Variants in OSGEP observed in about 807,000 individuals in gnomAD.
OSGEP encodes the protein O-sialoglycoprotein endopeptidase, also known as tRNA N6-adenosine threonylcarbamoyltransferase.
A neutral mutation model predicts 44.1 loss-of-function variants in OSGEP; 39 were observed. The observed-to-expected ratio is 0.88, with a 90% confidence interval of 0.69 to 1.16. OSGEP has a LOEUF of 1.16. Ranked by LOEUF, OSGEP falls within the 50% of genes most tolerant of loss-of-function variation. OSGEP has a pLI of 0.00. For missense variants in OSGEP, 403 were observed against 443.1 expected (o/e 0.91, Z 0.81); for synonymous variants, 139 against 161.9 (o/e 0.86, Z 1.07).
intron 2 of OSGEP, 40 bp from the exon 3 acceptor site, chr14:20,452,189 G>GA (rs760892017): frequency 4.6e-6 from 7 of 1,537,468 alleles, no homozygotes; most frequent in Non-Finnish European, 6.1e-6. Flanking sequence ...CTAGAGATTG[G>GA]AAAAAAACAA....
chr14:20,448,097 C>T lies in OSGEP; in HGVS notation c.702+9G>A. The T allele has an allele frequency of 1.2e-6, 2 of 1,611,212 alleles. No individual in the cohort carries two copies. Among genetic ancestry groups the T allele is most frequent in the Non-Finnish European group, 1.7e-6 (2 of 1,177,286 alleles). On this transcript the variant is annotated intron_variant, in intron 7 of 10. Transcript: ENST00000206542. ...CCCAACTTTCTGTCCCAGTTTTTTA[C>T]TGCATTACCTGCAGGGAGAAACACA...
Position 20,448,083 on chromosome 14 carries a change from G to A in OSGEP, c.702+23C>T, listed in dbSNP as rs150817988. ...ATAAAACCTTCAGCCCCAACTTTCTGTCCCAGTTTTTTACTGCATTACCTG... is the reference window on the plus strand; with the variant it reads ...ATAAAACCTTCAGCCCCAACTTTCTATCCCAGTTTTTTACTGCATTACCTG... On this transcript the variant is annotated intron_variant, in intron 7 of 10. Transcript: ENST00000206542. 84 of 1,606,332 alleles carry A rather than the reference G, an allele frequency of 5.2e-5. No individual in the cohort carries two copies. In the African/African-American group the frequency reaches 9.3e-4, roughly 18 times the overall value.
At chr14:20,454,292 TA>T (rs1881196306) in intron 1 of OSGEP, among the ~76,000 whole-genome samples, 1 of 152,234 alleles carries the variant, frequency 6.6e-6, no homozygotes, top group South Asian at 2.1e-4. Context: ...TGCTGTAGTA[TA>T]AACATCTATT....
intron 1 of OSGEP, among the ~76,000 whole-genome samples, chr14:20,453,292 T>C (rs578111124): frequency 6.6e-6 from 1 of 152,304 alleles, no homozygotes; most frequent in East Asian, 1.9e-4. Context: ...CTCCTATGTA[T>C]GCAAGTGTTT....
rs753069471 is a variant in OSGEP, at chr14:20,447,988, C to G, written c.709G>C (p.Val237Leu). The G allele has an allele frequency of 3.7e-6, 6 of 1,613,786 alleles. No individual in the cohort carries two copies. Among genetic ancestry groups the G allele is most frequent in the Non-Finnish European group, 3.4e-6 (4 of 1,179,620 alleles). Residue 237 changes from valine to leucine, a missense_variant, in exon 8 of 11, where the codon GTG (valine) becomes CTG (leucine). Coordinates refer to ENST00000206542, the MANE Select transcript of OSGEP (RefSeq NM_017807.4). ...EDLCFSLQETVFAMLVEITER... is the reference protein window; with the variant it reads ...EDLCFSLQETLFAMLVEITER... ...GTGATCTCTACCAGCATTGCAAACA[C>G]AGTTTCCTGTCAGGGACAGATAAGG... is the stretch of plus-strand genomic sequence containing the variant.
rs758752358 is a variant in OSGEP, at chr14:20,447,570, A to C, written c.869+45T>G. 3 of 1,608,034 alleles carry C rather than the reference A, an allele frequency of 1.9e-6. No individual in the cohort carries two copies. The Admixed American group carries it at 5.0e-5, about 27-fold the overall frequency. ...TGGGATCTAAGGGTGGAAAATCACTATAACAGGAGAAGTAAAAAAGAAACC... is the reference window on the plus strand; with the variant it reads ...TGGGATCTAAGGGTGGAAAATCACTCTAACAGGAGAAGTAAAAAAGAAACC... On this transcript the variant is annotated intron_variant, in intron 9 of 10. Coordinates refer to ENST00000206542, the MANE Select transcript of OSGEP (RefSeq NM_017807.4).
rs546882925 is a variant in OSGEP, at chr14:20,447,457, G to A, written c.933C>T (p.His311=). The change falls in exon 10 of 11, where the codon CAC becomes CAT. Residue 311 remains histidine, a synonymous_variant. Transcript: ENST00000206542. ...QAGWEMFRAG[H]RTPLSDSGVT... ...CCCCAGAATCACTGAGTGGGGTCCTGTGTCCAGCCCGAAACATCTCCCAGC... is the reference window on the plus strand; with the variant it reads ...CCCCAGAATCACTGAGTGGGGTCCTATGTCCAGCCCGAAACATCTCCCAGC... 9.9e-6 allele frequency: 16 copies of A among 1,614,088 alleles called. No individual in the cohort carries two copies. The South Asian group carries it at 1.8e-4, about 18-fold the overall frequency.
At chr14:20,447,734 T>C in intron 8 of OSGEP, 44 bp from the exon 9 acceptor site, 1 of 1,495,038 alleles carries the variant, frequency 6.7e-7, no homozygotes, top group Non-Finnish European at 9.3e-7. Flanking sequence ...TTTAGCCATC[T>C]CTTCATGGTC....
intron 2 of OSGEP, 21 bp from the exon 3 acceptor site, chr14:20,452,170 GT>G: frequency 6.3e-7 from 1 of 1,595,442 alleles, no homozygotes; most frequent in Non-Finnish European, 8.5e-7. Flanking sequence ...AGAAATGGAA[GT>G]TATAATCCTA....
In OSGEP at chr14:20,448,781, A is replaced by G; in HGVS notation, c.588T>C (p.Thr196=). 6.2e-7 allele frequency: 1 copy of G among 1,613,426 alleles called. No homozygotes were observed. Among genetic ancestry groups the G allele is most frequent in the Non-Finnish European group, 8.5e-7 (1 of 1,179,372 alleles). The part of the protein sequence containing the change: ...RGKKLVELPY[T]VKGMDVSFSG... ...AGAATGAGACGTCCATCCCCTTTAC[A>G]GTGTATGGCAGCTCAACTAGCTTCT... is the stretch of plus-strand genomic sequence containing the variant. Residue 196 remains threonine (T), a synonymous_variant, in exon 6 of 11, where the codon ACT becomes ACC. Coordinates refer to ENST00000206542, the MANE Select transcript of OSGEP (RefSeq NM_017807.4).
intron 6 of OSGEP, among the ~76,000 whole-genome samples, 169 bp downstream of exon 6, chr14:20,448,564 A>G (rs1013859250): frequency 2.0e-5 from 3 of 152,190 alleles, no homozygotes; most frequent in African/African-American, 4.8e-5. Flanking sequence ...CATGTGGCAC[A>G]CAGAGATATT....
intron 3 of OSGEP, chr14:20,450,217 C>T (rs1164523261): frequency 6.6e-6 from 1 of 152,026 alleles, no homozygotes; most frequent in Non-Finnish European, 1.5e-5. Context: ...GTATTAAGGC[C>T]GTTCTTCATA....
At chr14:20,454,356 T>C (rs902782686) in intron 1 of OSGEP, among the ~76,000 whole-genome samples, 1 of 152,198 alleles carries the variant, frequency 6.6e-6, no homozygotes, top group African/African-American at 2.4e-5. Flanking sequence ...ACTTAGCACA[T>C]AAAATGCGCT....
rs758280172 is a variant in OSGEP at position 20,447,941 on chromosome 14, A to G, written c.756T>C (p.Cys252=). The G allele has an allele frequency of 6.2e-7, 1 of 1,614,004 alleles. No individual in the cohort carries two copies. The change falls in exon 8 of 11, where the codon TGT becomes TGC. Residue 252 remains cysteine (C), a synonymous_variant. Transcript: ENST00000206542. Reference sequence around the variant, plus strand: ...CCACAATGAGGGCCTCCTGGGAGCCACAATGTGCCATGGCTCGCTCTGTGA... The same window carrying G: ...CCACAATGAGGGCCTCCTGGGAGCCGCAATGTGCCATGGCTCGCTCTGTGA... ...VEITERAMAH[C]GSQEALIVGG...
Position 20,448,147 on chromosome 14 carries a change from T to C in OSGEP, c.661A>G (p.Thr221Ala). The C allele has an allele frequency of 6.2e-7, 1 of 1,613,742 alleles. No homozygotes were observed. Among genetic ancestry groups the C allele is most frequent in the Non-Finnish European group, 8.5e-7 (1 of 1,179,578 alleles). Residue 221 changes from threonine to alanine, a missense_variant, in exon 7 of 11, where the codon ACA (threonine) becomes GCA (alanine). Thr to Ala is a moderately conservative substitution (Grantham distance 58). Transcript: ENST00000206542. ...AGATCCTCAGGAGTACACTCGCCTG[T>C]GGCCAGCATCCGATGGGCTACATCC... Reference protein sequence around the residue: ...IEDVAHRMLATGECTPEDLCF... With the variant: ...IEDVAHRMLAAGECTPEDLCF...
rs1881125770 is a variant in OSGEP, at chr14:20,452,363, G to A, written c.201C>T (p.Thr67=). 3 of 1,614,004 alleles carry A rather than the reference G, an allele frequency of 1.9e-6. No homozygotes were observed. The highest frequency in any genetic ancestry group is 2.5e-6 in the Non-Finnish European group (3 of 1,179,964). The part of the protein sequence containing the change: ...LQEALTESGL[T]SQDIDCIAYT... ...ATGCAATGCAGTCGATATCCTGGGA[G>A]GTTAATCCAGACTCTGTTAGTGCCT... Residue 67 remains threonine (T), a synonymous_variant, in exon 2 of 11, where the codon ACC becomes ACT. Transcript: ENST00000206542.
chr14:20,454,697 AG>A lies in OSGEP; in HGVS notation c.-15del. ...CACCGCCGGCATGGCGGAGGCTGGG[AG>A]AAAACGCCGACAGGACTCCTGGCAA... On this transcript the variant is annotated 5_prime_UTR_variant, in exon 1 of 11. Coordinates refer to ENST00000206542, the MANE Select transcript of OSGEP (RefSeq NM_017807.4). 1 of 1,589,330 alleles carries A rather than the reference AG, an allele frequency of 6.3e-7. No individual in the cohort carries two copies. The highest frequency in any genetic ancestry group is 1.1e-5 in the South Asian group (1 of 90,584).
intron 1 of OSGEP, among the ~76,000 whole-genome samples, chr14:20,453,251 G>A (rs1179024371): frequency 2.0e-5 from 3 of 152,168 alleles, no homozygotes; most frequent in East Asian, 3.8e-4. Flanking sequence ...GTTCAGGGAG[G>A]CTTTTCAGAT....
At position 20,447,078 on chromosome 14, in the gene OSGEP, A is replaced by C. The variant is rs1405374201; in HGVS notation, c.*162T>G. On this transcript the variant is annotated 3_prime_UTR_variant, in exon 11 of 11. Transcript: ENST00000206542. Reference sequence around the variant, plus strand: ...AACATACAAAACCAAAAAACCAAAAATATTTTATTGCTGAGTCATCCTGGG... The same window carrying C: ...AACATACAAAACCAAAAAACCAAAACTATTTTATTGCTGAGTCATCCTGGG... 16 of 670,426 alleles carry C rather than the reference A, an allele frequency of 2.4e-5. No homozygotes were observed. The African/African-American group carries it at 2.7e-4, about 11-fold the overall frequency. 41.5% of individuals were successfully genotyped at this position (670,426 alleles called of 1,614,324 possible).
Sources: gnomAD v4.1 joint callset for allele counts (sites outside exome capture counted in the v4.1 genomes callset) on GRCh38, gnomAD v4.1.1 for gene constraint, MANE v1.5 for transcripts, NCBI Gene and HGNC (gene_info 2026-07-23, HGNC 2026-07-21) for gene names.